GSPT1: variants seen among roughly 807,000 people sequenced by gnomAD.
GSPT1 encodes the protein G1 to S phase transition 1, also known as eukaryotic peptide chain release factor GTP-binding subunit ERF3A.
GSPT1 carries 20 observed loss-of-function variants against 72.5 expected under a neutral mutation model. The ratio of observed to expected loss-of-function variants is 0.28; its 90% CI spans 0.19 to 0.40. GSPT1 has a LOEUF of 0.40. GSPT1 is among the 10% of genes least tolerant of loss of function. The pLI, the probability that GSPT1 is intolerant of heterozygous loss-of-function variation, is 1.00. For missense variants in GSPT1, 580 were observed against 811.9 expected, an observed-to-expected ratio of 0.71 and a Z score of 3.47; for synonymous variants, 334 against 293.5, an observed-to-expected ratio of 1.14 and a Z score of -1.41.
intron 1 of GSPT1, among the ~76,000 whole-genome samples, chr16:11,900,088 C>G (rs1254680686): frequency 1.3e-5 from 2 of 152,080 alleles, no homozygotes; most frequent in Non-Finnish European, 2.9e-5. Flanking sequence ...AATCCCAACA[C>G]TTTGGGAGGC....
chr16:11,877,237 G>A lies in GSPT1; in HGVS notation c.1602+170C>T, dbSNP rs1382298139. 6.6e-6 allele frequency among the ~76,000 whole-genome samples: 1 copy of A among 152,180 alleles called. No homozygotes were observed. The highest frequency in any genetic ancestry group is 1.5e-5 in the Non-Finnish European group (1 of 68,042). On this transcript the variant is annotated intron_variant, in intron 12 of 14. Transcript: ENST00000434724. The surrounding 1 kb of genome is among the most constrained non-coding windows in gnomAD (Gnocchi z 4.0). ...GTACCAGCTTGAAGACCTTGTATGAGGTGCCTATTGTGGTTATGATATATA... is the reference window on the plus strand; with the variant it reads ...GTACCAGCTTGAAGACCTTGTATGAAGTGCCTATTGTGGTTATGATATATA...
chr16:11,877,524 G>T lies in GSPT1; in HGVS notation c.1485C>A (p.Ala495=). The change falls in exon 12 of 15, where the codon GCC becomes GCA. Residue 495 remains alanine, a synonymous_variant. Transcript: ENST00000434724. The surrounding 1 kb of genome is among the most constrained non-coding windows in gnomAD (Gnocchi z 4.0). The part of the protein sequence containing the change: ...LSDDVETDTV[A]PGENLKIRLK... ...GTCTGATTTTGAGGTTTTCACCTGG[G>T]GCTACGGTATCAGTCTCTACATCAT... 2 of 1,611,072 alleles carry T rather than the reference G, an allele frequency of 1.2e-6. No homozygotes were observed. Among genetic ancestry groups the T allele is most frequent in the Non-Finnish European group, 1.7e-6 (2 of 1,177,776 alleles).
In GSPT1 at chr16:11,869,013, A is replaced by T. The variant is rs763355727; in HGVS notation, c.*4106T>A. 1 of 152,176 alleles carries T rather than the reference A, an allele frequency of 6.6e-6. No individual in the cohort carries two copies. The highest frequency in any genetic ancestry group is 2.4e-5 in the African/African-American group (1 of 41,434). The allele number at this position is 152,176 out of a possible 1,614,324, so 9.4% of individuals were successfully genotyped here. On this transcript the variant is annotated 3_prime_UTR_variant, in exon 15 of 15. Coordinates refer to ENST00000434724, the MANE Select transcript of GSPT1 (RefSeq NM_002094.4). ...TTGTTTCAAGGAAGCATAGGATTAG[A>T]GGTATGTGAGAAGTGTATTTATTGA...
Position 11,896,628 on chromosome 16 carries a change from A to C in GSPT1, c.594T>G (p.Pro198=). ...CACCTGGCGGTGCAACCACAGACTT[A>C]GGTTTTGGGATTTCCTCTTCCTCCT... ...MMEEEEEIPK[P]KSVVAPPGAP... Residue 198 remains proline (P), a synonymous_variant, in exon 4 of 15, where the codon CCT becomes CCG. Coordinates refer to ENST00000434724, the MANE Select transcript of GSPT1 (RefSeq NM_002094.4). The C allele has an allele frequency of 6.2e-7, 1 of 1,609,920 alleles. No individual in the cohort carries two copies. Among genetic ancestry groups the C allele is most frequent in the South Asian group, 1.1e-5 (1 of 89,968 alleles).
At position 11,915,647 on chromosome 16, in the gene GSPT1, T is replaced by C. The variant is rs1265790409; in HGVS notation, c.74A>G (p.Asp25Gly). 3.4e-6 allele frequency: 5 copies of C among 1,481,974 alleles called. No homozygotes were observed. The highest frequency in any genetic ancestry group is 2.7e-6 in the Non-Finnish European group (3 of 1,121,472). The allele number at this position is 1,481,974 out of a possible 1,614,324, so 91.8% of individuals were successfully genotyped here. ...GGSSSGSSSS[D>G]SAPDCWDQAD... ...CTGGTCCCAGCAGTCAGGCGCCGAG[T>C]CGCTGCTGCTGCTGCCGCTGCTGCT... The change falls in exon 1 of 15, where the codon GAC (aspartate) becomes GGC (glycine). Residue 25 changes from aspartate (D) to glycine (G), a missense_variant. Physicochemically the swap from Asp to Gly is moderately conservative, Grantham distance 94. Coordinates refer to ENST00000434724, the MANE Select transcript of GSPT1 (RefSeq NM_002094.4).
chr16:11,898,157 G>T, intron 1 of GSPT1, 122 bp from the exon 2 acceptor site: 1 of 654,896 alleles, frequency 1.5e-6, no homozygotes, highest in South Asian at 1.8e-5. Flanking sequence ...AATAACCCCA[G>T]ATCAATGGCA....
chr16:11,902,943 C>T (rs2054433810), intron 1 of GSPT1, among the ~76,000 whole-genome samples: 1 of 152,034 alleles, frequency 6.6e-6, no homozygotes, highest in East Asian at 1.9e-4. Flanking sequence ...TCTCCAACTC[C>T]TGAGCTCAAG....
intron 5 of GSPT1, among the ~76,000 whole-genome samples, chr16:11,893,305 T>C (rs116109805): frequency 1.3e-5 from 2 of 152,080 alleles, no homozygotes; most frequent in Non-Finnish European, 2.9e-5. Context: ...TTTTATTTTT[T>C]ATAGAAATGA....
chr16:11,905,043 G>A lies in GSPT1; in HGVS notation c.353-7008C>T, dbSNP rs538418051. ...TGATCACACCACTGCACTCCAGCCT[G>A]GGTGACAGAGTAAGACCCTGTATCA... On this transcript the variant is annotated intron_variant, in intron 1 of 14. Transcript: ENST00000434724. Among the ~76,000 whole-genome samples, 23 of 152,336 alleles carry A rather than the reference G, an allele frequency of 1.5e-4. 1 individual carries two copies. Among genetic ancestry groups the A allele is most frequent in the African/African-American group, 5.1e-4 (21 of 41,580 alleles).
intron 14 of GSPT1, among the ~76,000 whole-genome samples, chr16:11,875,211 GAGGAAA>G (rs1383207380): frequency 6.7e-6 from 1 of 149,594 alleles, no homozygotes; most frequent in Non-Finnish European, 1.5e-5. Context: ...GGAAAGGGAA[GAGGAAA>G]GGGAAAGGGA....
intron 1 of GSPT1, among the ~76,000 whole-genome samples, chr16:11,904,495 C>T (rs2054463772): frequency 6.6e-6 from 1 of 152,102 alleles, no homozygotes; most frequent in South Asian, 2.1e-4. Context: ...AGCCACTGCG[C>T]CCAGCCAGTT....
At chr16:11,911,154 T>G (rs2054552147) in intron 1 of GSPT1, among the ~76,000 whole-genome samples, 1 of 152,220 alleles carries the variant, frequency 6.6e-6, no homozygotes, top group Non-Finnish European at 1.5e-5. Flanking sequence ...AAATACAGAA[T>G]CTTACCTATT....
chr16:11,878,612 A>G (rs1318835140), intron 11 of GSPT1, among the ~76,000 whole-genome samples: 2 of 151,730 alleles, frequency 1.3e-5, no homozygotes, highest in South Asian at 2.1e-4. Context: ...AAAAAAAAAA[A>G]AGTTTTTAAT....
intron 5 of GSPT1, among the ~76,000 whole-genome samples, chr16:11,892,577 C>T (rs1460854934): frequency 2.0e-5 from 3 of 147,732 alleles, no homozygotes; most frequent in African/African-American, 7.5e-5. Context: ...GCCTATAATC[C>T]CAGCACTTTG....
At chr16:11,885,053 G>C (rs2054170442) in intron 10 of GSPT1, 128 bp downstream of exon 10, 1 of 559,890 alleles carries the variant, frequency 1.8e-6, no homozygotes, top group African/African-American at 1.9e-5. Context: ...GGGGGACAGA[G>C]TGCAAGATTC....
intron 6 of GSPT1, among the ~76,000 whole-genome samples, chr16:11,888,878 C>A (rs1464891962): frequency 6.6e-6 from 1 of 152,196 alleles, no homozygotes; most frequent in East Asian, 1.9e-4. Flanking sequence ...AAGTTGACTA[C>A]ACAGAAAGAC....
rs2053961679 is a variant in GSPT1 at position 11,870,062 on chromosome 16, AG to A, written c.*3056del. The A allele has an allele frequency of 6.6e-6, 1 of 152,200 alleles. No individual in the cohort carries two copies. The highest frequency in any genetic ancestry group is 1.5e-5 in the Non-Finnish European group (1 of 68,042). 9.4% of individuals were successfully genotyped at this position (152,200 alleles called of 1,614,324 possible). On this transcript the variant is annotated 3_prime_UTR_variant, in exon 15 of 15. Transcript: ENST00000434724. ...GTTACAGTGAACAACCTGCACTGTTAGAGTTTAGGAACTTTTGACATTCGGT... is the reference window on the plus strand; with the variant it reads ...GTTACAGTGAACAACCTGCACTGTTAAGTTTAGGAACTTTTGACATTCGGT...
chr16:11,886,491 C>A lies in GSPT1; in HGVS notation c.1233G>T (p.Ser411=). 6.2e-7 allele frequency: 1 copy of A among 1,612,256 alleles called. No homozygotes were observed. Among genetic ancestry groups the A allele is most frequent in the Non-Finnish European group, 8.5e-7 (1 of 1,178,856 alleles). The change falls in exon 9 of 15, where the codon TCG becomes TCT. Residue 411 remains serine (S), a synonymous_variant. Transcript: ENST00000434724. ...GLTGANLKEQ[S]DFCPWYIGLP... ...CTTACATGTACCAAGGACAGAAATC[C>A]GACTGCTCTTTGAGATTTGCTCCAG...
intron 6 of GSPT1, among the ~76,000 whole-genome samples, chr16:11,888,581 G>T (rs1012470874): frequency 5.3e-5 from 8 of 151,992 alleles, no homozygotes; most frequent in African/African-American, 1.7e-4. Context: ...GGCCAACATG[G>T]TGAGACCCCA....
Sources: allele counts gnomAD v4.1 joint callset (sites outside exome capture counted in the v4.1 genomes callset), GRCh38; gene constraint gnomAD v4.1.1; non-coding constraint Gnocchi (gnomAD v3.1); transcripts MANE v1.5; gene names NCBI Gene and HGNC (gene_info 2026-07-23, HGNC 2026-07-21).